Variants in ZNF581 observed in about 807,000 individuals in gnomAD.
The protein encoded by ZNF581 is zinc finger protein 581.
A neutral mutation model predicts 1.2 loss-of-function variants in ZNF581; 1 was observed. The observed-to-expected ratio is 0.83, with a 90% confidence interval of 0.30 to 3.95. The LOEUF (loss-of-function observed/expected upper bound fraction) is 3.95. ZNF581 is among the 30% of genes most tolerant of loss of function. The pLI is 0.18. For synonymous variants in ZNF581, 105 were observed against 109.2 expected (o/e 0.96, Z 0.24); for missense variants, 273 against 274.6 (o/e 0.99, Z 0.04).
upstream of ZNF581, chr19:55,642,965 C>T: frequency 4.3e-6 from 6 of 1,403,726 alleles, no homozygotes; most frequent in Non-Finnish European, 5.5e-6. Flanking sequence ...GCACACCTGC[C>T]CGCTCTGCCC....
upstream of ZNF581, among the ~76,000 whole-genome samples, chr19:55,639,876 G>A (rs563209666): frequency 2.0e-5 from 3 of 152,152 alleles, no homozygotes; most frequent in Non-Finnish European, 4.4e-5. Flanking sequence ...CTTGGCCTCC[G>A]AAAGTGCTGG....
At chr19:55,643,156 C>G, upstream of ZNF581, 1 of 1,105,408 alleles carries the variant, frequency 9.0e-7, no homozygotes, top group Non-Finnish European at 1.1e-6. Flanking sequence ...GCCTCAGTTT[C>G]CCCACCTTCC....
chr19:55,640,650 T>G (rs1982398560), upstream of ZNF581: 1 of 985,276 alleles, frequency 1.0e-6, no homozygotes. Flanking sequence ...TGGACCTCGG[T>G]CTCCACATTT....
At chr19:55,636,045 G>C (rs538667617), upstream of ZNF581, among the ~76,000 whole-genome samples, 7 of 152,254 alleles carry the variant, frequency 4.6e-5, no homozygotes, top group South Asian at 1.5e-3. Flanking sequence ...TGAGAAGTGA[G>C]GTGAGGAAGT....
upstream of ZNF581, chr19:55,640,979 G>C (rs1982422787): frequency 3.0e-6 from 3 of 985,376 alleles, no homozygotes; most frequent in Non-Finnish European, 3.6e-6. Context: ...CCTCCGCACT[G>C]GGCTCGCGCG....
chr19:55,641,080 G>A, upstream of ZNF581: 1 of 985,274 alleles, frequency 1.0e-6, no homozygotes, highest in Non-Finnish European at 1.2e-6. Flanking sequence ...CCGGCCCGGA[G>A]CTGCCCGGAA....
At chr19:55,641,962 G>A (rs1982519516), upstream of ZNF581, 3 of 844,080 alleles carry the variant, frequency 3.6e-6, no homozygotes, top group African/African-American at 5.6e-5. Context: ...TATGAAGATG[G>A]GGAGGCCCTG....
upstream of ZNF581, chr19:55,635,234 AGAG>A: frequency 6.6e-6 from 1 of 152,448 alleles, no homozygotes; most frequent in African/African-American, 2.4e-5. Context: ...AGGTATAGGA[AGAG>A]GAGGGCGGAA....
In ZNF581 at chr19:55,645,377, C is replaced by G; in HGVS notation, c.*212C>G. On this transcript the variant is annotated 3_prime_UTR_variant, in exon 2 of 2. Coordinates refer to ENST00000270451, the MANE Select transcript of ZNF581 (RefSeq NM_016535.4). The stretch of plus-strand genomic sequence containing the variant: ...CTGGAGCTGAGATGGGAATGAGCCC[C>G]TACACAGAATGGAGTCCTCTAGCCT... The G allele has an allele frequency of 2.1e-6, 1 of 483,150 alleles. No individual in the cohort carries two copies. 29.9% of individuals were successfully genotyped at this position (483,150 alleles called of 1,614,324 possible). A position where few individuals can be genotyped will look rare whatever the true frequency, so the allele number is the denominator to read the frequency against.
At chr19:55,639,951 C>G (rs1319501563), upstream of ZNF581, among the ~76,000 whole-genome samples, 2 of 152,218 alleles carry the variant, frequency 1.3e-5, no homozygotes, top group Non-Finnish European at 2.9e-5. Context: ...TTCAGGTCCT[C>G]TGATACACCA....
chr19:55,645,401 C>T lies in ZNF581; in HGVS notation c.*236C>T. The T allele has an allele frequency of 2.3e-6, 1 of 425,930 alleles. No homozygotes were observed. The highest frequency in any genetic ancestry group is 4.3e-6 in the Non-Finnish European group (1 of 231,764). 26.4% of individuals were successfully genotyped at this position (425,930 alleles called of 1,614,324 possible). On this transcript the variant is annotated 3_prime_UTR_variant, in exon 2 of 2. Transcript: ENST00000270451. ...CCTACACAGAATGGAGTCCTCTAGC[C>T]TAAAGATATCAGCTGTTCCATGGCA...
upstream of ZNF581, chr19:55,643,116 G>T: frequency 7.7e-7 from 1 of 1,304,098 alleles, no homozygotes; most frequent in Non-Finnish European, 9.8e-7. Flanking sequence ...CACACCCCCT[G>T]GCTCTGCTGA....
At chr19:55,641,535 AAG>A (rs539104463), upstream of ZNF581, among the ~76,000 whole-genome samples, 131 of 152,220 alleles carry the variant, frequency 8.6e-4, no homozygotes, top group African/African-American at 3.0e-3. Flanking sequence ...CACGAGGAGA[AAG>A]AGAGATGCCA....
chr19:55,635,802 G>A (rs1282821973), intron 1 of ZNF581: 8 of 867,150 alleles, frequency 9.2e-6, no homozygotes, highest in Non-Finnish European at 1.1e-5. Flanking sequence ...CTATAGGGAG[G>A]ATTTTAAAAA....
chr19:55,640,166 C>G (rs1035017854), upstream of ZNF581: 4 of 985,372 alleles, frequency 4.1e-6, no homozygotes, highest in African/African-American at 7.0e-5. Flanking sequence ...TCCTGCGAGG[C>G]CGTGGCGCCA....
In ZNF581 at chr19:55,644,551, A is replaced by G. The variant is rs749261616; in HGVS notation, c.-19-2A>G. The G allele has an allele frequency of 1.4e-5, 22 of 1,550,310 alleles. No homozygotes were observed. The highest frequency in any genetic ancestry group is 2.7e-5 in the African/African-American group (2 of 73,306). On this transcript the variant is annotated splice_acceptor_variant, in intron 1 of 1. Transcript: ENST00000270451. LOFTEE classifies it low-confidence loss of function (5UTR_SPLICE). The surrounding 1 kb of genome is among the most constrained non-coding windows in gnomAD (Gnocchi z 4.3). ...CTTCTTATCCCATCTCCCATCCACCAGGCCTCAGCCAGCCCTCCGGATGCT... is the reference window on the plus strand; with the variant it reads ...CTTCTTATCCCATCTCCCATCCACCGGGCCTCAGCCAGCCCTCCGGATGCT...
chr19:55,638,829 A>G (rs1003413344), upstream of ZNF581, among the ~76,000 whole-genome samples: 1 of 151,952 alleles, frequency 6.6e-6, no homozygotes, highest in Admixed American at 6.6e-5. Context: ...TCTACCAAAA[A>G]TATAAAATTG....
upstream of ZNF581, chr19:55,642,605 G>A (rs1204342980): frequency 5.5e-6 from 8 of 1,452,112 alleles, no homozygotes; most frequent in Non-Finnish European, 7.3e-6. Context: ...CCCCAAGGCG[G>A]AAGGCCCCTC....
upstream of ZNF581, chr19:55,640,750 A>G: frequency 1.0e-6 from 1 of 985,496 alleles, no homozygotes; most frequent in Non-Finnish European, 1.2e-6. Flanking sequence ...TGGAAAGAGG[A>G]CAAACCCTTG....
Sources: allele counts gnomAD v4.1 joint callset (sites outside exome capture counted in the v4.1 genomes callset), GRCh38; gene constraint gnomAD v4.1.1; non-coding constraint Gnocchi (gnomAD v3.1); transcripts MANE v1.5; gene names NCBI Gene and HGNC (gene_info 2026-07-23, HGNC 2026-07-21).